The following TENT2 variants were observed in gnomAD, a reference collection of about 807,000 sequenced individuals.
The protein encoded by TENT2 is poly(A) RNA polymerase GLD2.
TENT2 carries 44 observed loss-of-function variants against 72.2 expected under a neutral mutation model. That is an observed-to-expected ratio of 0.61 (90% confidence interval 0.48 to 0.78). The LOEUF is 0.78. TENT2 is among the 30% of genes least tolerant of loss of function. TENT2 has a pLI of 0.00. For synonymous variants in TENT2, 212 were observed against 192.5 expected (o/e 1.10, Z -0.84); for missense variants, 541 against 569.6 (o/e 0.95, Z 0.51).
rs1370072781 is a variant in TENT2, at chr5:79,620,193, C to G, written c.227+110C>G. On this transcript the variant is annotated intron_variant, in intron 3 of 14. Transcript: ENST00000453514. The stretch of plus-strand genomic sequence containing the variant: ...GACCCTAAGCCCTATGTTTTGTTTT[C>G]TGGGACCTGTACGATCAGATGAGTC... 4 of 684,512 alleles carry G rather than the reference C, an allele frequency of 5.8e-6. No individual in the cohort carries two copies. In the African/African-American group the frequency reaches 7.3e-5, roughly 13 times the overall value. The allele number at this position is 684,512 out of a possible 1,614,324, so 42.4% of individuals were successfully genotyped here.
intron 12 of TENT2, among the ~76,000 whole-genome samples, chr5:79,678,148 A>G (rs891125301): frequency 2.0e-5 from 3 of 152,222 alleles, no homozygotes; most frequent in Admixed American, 6.5e-5. Context: ...TTTTTAAAGA[A>G]CTTAAAACTT....
intron 3 of TENT2, among the ~76,000 whole-genome samples, chr5:79,622,132 C>T (rs1765568326): frequency 6.6e-6 from 1 of 152,086 alleles, no homozygotes; most frequent in African/African-American, 2.4e-5. Context: ...GAAACCCCAT[C>T]TCGACTAAAA....
intron 10 of TENT2, among the ~76,000 whole-genome samples, chr5:79,650,874 G>C (rs887717091): frequency 6.6e-6 from 1 of 151,892 alleles, no homozygotes; most frequent in African/African-American, 2.4e-5. Context: ...AGAAGTGGTT[G>C]GGACAAAAAC....
At chr5:79,624,545 C>T (rs1222439239) in intron 4 of TENT2, among the ~76,000 whole-genome samples, 2 of 152,110 alleles carry the variant, frequency 1.3e-5, no homozygotes. Context: ...TTCATCACCC[C>T]CAAAAGAAAC....
At chr5:79,660,657 C>T (rs1802102793) in intron 11 of TENT2, among the ~76,000 whole-genome samples, 1 of 152,112 alleles carries the variant, frequency 6.6e-6, no homozygotes. Flanking sequence ...AGACCACATA[C>T]ATGATAGTGG....
At chr5:79,619,566 T>A in intron 1 of TENT2, 46 bp from the exon 2 acceptor site, 1 of 1,337,720 alleles carries the variant, frequency 7.5e-7, no homozygotes, top group Non-Finnish European at 1.0e-6. Context: ...GTGTTTAGTG[T>A]CTTTAAGCTA....
intron 4 of TENT2, among the ~76,000 whole-genome samples, chr5:79,637,670 A>G (rs1342598996): frequency 1.3e-5 from 2 of 151,896 alleles, no homozygotes; most frequent in South Asian, 2.1e-4. Flanking sequence ...TAAGCAATGC[A>G]CCTGCCTTGG....
At chr5:79,636,880 ATTGT>A (rs1401153334) in intron 4 of TENT2, among the ~76,000 whole-genome samples, 4 of 152,090 alleles carry the variant, frequency 2.6e-5, no homozygotes, top group African/African-American at 4.8e-5. Flanking sequence ...TAAATTTTTA[ATTGT>A]TTGTTGATAG....
At chr5:79,619,968 A>T in intron 2 of TENT2, 26 bp from the exon 3 acceptor site, 1 of 1,538,866 alleles carries the variant, frequency 6.5e-7, no homozygotes, top group Non-Finnish European at 8.8e-7. Context: ...TGTATAAATT[A>T]CTGTTCTTTT....
At chr5:79,659,938 ATAAGT>A (rs1418688254) in intron 11 of TENT2, among the ~76,000 whole-genome samples, 1 of 151,978 alleles carries the variant, frequency 6.6e-6, no homozygotes, top group African/African-American at 2.4e-5. Context: ...TAAGTTTAAG[ATAAGT>A]TAACAACAAC....
At chr5:79,664,635 TA>T (rs1298999904) in intron 11 of TENT2, among the ~76,000 whole-genome samples, 2 of 151,290 alleles carry the variant, frequency 1.3e-5, no homozygotes, top group African/African-American at 2.4e-5. Flanking sequence ...TTGGTGGAGA[TA>T]TTTTTTTTAA....
Position 79,681,968 on chromosome 5 carries a change from A to C in TENT2, c.1301-14A>C. On this transcript the variant is annotated splice_polypyrimidine_tract_variant and intron_variant, in intron 13 of 14. Coordinates refer to ENST00000453514, the MANE Select transcript of TENT2 (RefSeq NM_001114394.3). ...TTAATAATTTTTCCTTTACATTTGC[A>C]TTTAACATTGCAGAACCTTTTGATG... 1 of 1,603,098 alleles carries C rather than the reference A, an allele frequency of 6.2e-7. No homozygotes were observed. The highest frequency in any genetic ancestry group is 8.5e-7 in the Non-Finnish European group (1 of 1,175,358).
At chr5:79,636,075 C>A (rs1192132042) in intron 4 of TENT2, among the ~76,000 whole-genome samples, 5 of 82,200 alleles carry the variant, frequency 6.1e-5, no homozygotes, top group Admixed American at 1.5e-4. Flanking sequence ...GCTGCCTATA[C>A]TTGGCCTAAA....
rs1347932571 is a variant in TENT2 at position 79,636,261 on chromosome 5, A to G, written c.466-4590A>G. Among the ~76,000 whole-genome samples, 4 of 152,362 alleles carry G rather than the reference A, an allele frequency of 2.6e-5. No individual in the cohort carries two copies. The East Asian group carries it at 7.7e-4, about 29-fold the overall frequency. Reference sequence around the variant, plus strand: ...AACCATATACTAGAGAGAAAAACGTATCATAAATCCTTATGTTGCCCACTT... The same window carrying G: ...AACCATATACTAGAGAGAAAAACGTGTCATAAATCCTTATGTTGCCCACTT... On this transcript the variant is annotated intron_variant, in intron 4 of 14. Coordinates refer to ENST00000453514, the MANE Select transcript of TENT2 (RefSeq NM_001114394.3).
At chr5:79,621,773 C>A (rs1253682702) in intron 3 of TENT2, among the ~76,000 whole-genome samples, 86 of 103,666 alleles carry the variant, frequency 8.3e-4, no homozygotes, top group African/African-American at 1.8e-3. Flanking sequence ...AAAAAAAAAA[C>A]AAAAAAAACA....
intron 6 of TENT2, among the ~76,000 whole-genome samples, chr5:79,642,519 G>A (rs1179557721): frequency 6.6e-6 from 1 of 152,018 alleles, no homozygotes. Context: ...GTTTATTTTT[G>A]TTGGAGGTTG....
chr5:79,620,361 T>C (rs1763763784), intron 3 of TENT2, among the ~76,000 whole-genome samples: 1 of 152,258 alleles, frequency 6.6e-6, no homozygotes, highest in Non-Finnish European at 1.5e-5. Context: ...AGAATAAAGC[T>C]GTTTCCTCAG....
Position 79,620,048 on chromosome 5 carries a change from A to G in TENT2, c.192A>G (p.Ile64Met). 1 of 1,611,656 alleles carries G rather than the reference A, an allele frequency of 6.2e-7. No homozygotes were observed. Among genetic ancestry groups the G allele is most frequent in the Non-Finnish European group, 8.5e-7 (1 of 1,178,416 alleles). ...QQLTYGNVSP[I>M]QTSASPLFRG... ...TGACATATGGAAATGTCAGTCCAATACAGACCTCAGCTTCCCCATTATTTC... is the reference window on the plus strand; with the variant it reads ...TGACATATGGAAATGTCAGTCCAATGCAGACCTCAGCTTCCCCATTATTTC... The change falls in exon 3 of 15, where the codon ATA (isoleucine) becomes ATG (methionine). Residue 64 changes from isoleucine (I) to methionine (M), a missense_variant. Physicochemically the swap from Ile to Met is conservative, Grantham distance 10. Transcript: ENST00000453514.
intron 4 of TENT2, among the ~76,000 whole-genome samples, chr5:79,629,138 G>C (rs1256226723): frequency 6.6e-6 from 1 of 152,160 alleles, no homozygotes; most frequent in African/African-American, 2.4e-5. Flanking sequence ...GATCTGAAAG[G>C]ACTCCATACT....
Sources: gnomAD v4.1 joint callset for allele counts (sites outside exome capture counted in the v4.1 genomes callset) on GRCh38, gnomAD v4.1.1 for gene constraint, MANE v1.5 for transcripts, NCBI Gene and HGNC (gene_info 2026-07-23, HGNC 2026-07-21) for gene names.